Variants in GULP1 observed in about 807,000 individuals in gnomAD.
The protein encoded by GULP1 is GULP PTB domain containing engulfment adaptor 1.
In GULP1, 19 loss-of-function variants were observed where a neutral mutation model predicts 40.9. That is an observed-to-expected ratio of 0.46 (90% CI 0.32 to 0.68). The LOEUF is 0.68. Ranked by LOEUF, GULP1 falls within the 30% of genes least tolerant of loss-of-function variation. The probability of loss-of-function intolerance (pLI) is 0.03; values close to 1 mark genes in which losing one functional copy is unlikely to be tolerated. For missense variants in GULP1, 312 were observed against 362.2 expected (o/e 0.86, Z 1.12); for synonymous variants, 119 against 117.6 (o/e 1.01, Z -0.08).
chr2:188,302,417 T>C (rs1000512357), intron 1 of GULP1, among the ~76,000 whole-genome samples: 1 of 152,172 alleles, frequency 6.6e-6, no homozygotes, highest in African/African-American at 2.4e-5. Flanking sequence ...CTTTAGTGTA[T>C]TGAAAACATT....
intron 1 of GULP1, among the ~76,000 whole-genome samples, chr2:188,332,682 AG>A (rs1463067526): frequency 6.6e-6 from 1 of 152,028 alleles, no homozygotes; most frequent in Admixed American, 6.6e-5. Context: ...GAATCTTGAA[AG>A]TGAGGATCAG....
intron 2 of GULP1, among the ~76,000 whole-genome samples, chr2:188,438,942 T>C (rs1440502129): frequency 6.6e-6 from 1 of 152,090 alleles, no homozygotes; most frequent in Non-Finnish European, 1.5e-5. Context: ...TGTATAAATA[T>C]CTAGTTGCAT....
chr2:188,450,111 A>G (rs886725374), intron 2 of GULP1, among the ~76,000 whole-genome samples: 25 of 152,280 alleles, frequency 1.6e-4, no homozygotes, highest in African/African-American at 5.8e-4. Flanking sequence ...ATTGCCAAAA[A>G]TGTTTGTTAT....
At chr2:188,409,878 C>T (rs1325347473) in intron 2 of GULP1, among the ~76,000 whole-genome samples, 1 of 152,022 alleles carries the variant, frequency 6.6e-6, no homozygotes, top group Admixed American at 6.6e-5. Flanking sequence ...CAGCAAAAGA[C>T]CTTGAATAGC....
At chr2:188,433,933 C>CT (rs35704445) in intron 2 of GULP1, among the ~76,000 whole-genome samples, 67,895 of 149,090 alleles carry the variant, frequency 0.46, 15,896 homozygotes, top group East Asian at 0.68. Context: ...TACCTTATAC[C>CT]TTTTTTTTTT....
chr2:188,590,476 A>G (rs1037661900), intron 11 of GULP1: 1 of 152,226 alleles, frequency 6.6e-6, no homozygotes, highest in Non-Finnish European at 1.5e-5. Context: ...TATTGAGTTA[A>G]TAAGCCTAGT....
chr2:188,469,233 G>T (rs1461291598), intron 2 of GULP1, among the ~76,000 whole-genome samples: 5 of 152,170 alleles, frequency 3.3e-5, no homozygotes, highest in Admixed American at 3.3e-4. Context: ...CATTTTGGAG[G>T]TCTAGGCCTG....
At chr2:188,478,275 A>G (rs945164030) in intron 3 of GULP1, among the ~76,000 whole-genome samples, 1 of 152,140 alleles carries the variant, frequency 6.6e-6, no homozygotes, top group South Asian at 2.1e-4. Flanking sequence ...TAGGACTGAA[A>G]GAAACAGCTA....
At position 188,594,050 on chromosome 2, in the gene GULP1, T is replaced by C; in HGVS notation, c.*39T>C. Reference sequence around the variant, plus strand: ...AAATCCTGATTCATGTTAAATGTGTTTGTATACACATGTCATTTATTATTA... The same window carrying C: ...AAATCCTGATTCATGTTAAATGTGTCTGTATACACATGTCATTTATTATTA... On this transcript the variant is annotated 3_prime_UTR_variant, in exon 12 of 12. Coordinates refer to ENST00000409830, the MANE Select transcript of GULP1 (RefSeq NM_016315.4). The C allele has an allele frequency of 1.0e-6, 1 of 1,004,384 alleles. No individual in the cohort carries two copies. Among genetic ancestry groups the C allele is most frequent in the Admixed American group, 1.7e-5 (1 of 58,022 alleles). The allele number at this position is 1,004,384 out of a possible 1,614,324, so 62.2% of individuals were successfully genotyped here.
intron 7 of GULP1, chr2:188,541,758 T>C (rs1235191781): frequency 3.0e-5 from 6 of 203,008 alleles, no homozygotes; most frequent in African/African-American, 4.7e-5. Context: ...ATATGATCTA[T>C]ATGGTTCCTT....
At chr2:188,428,161 G>C (rs773564512) in intron 2 of GULP1, among the ~76,000 whole-genome samples, 13 of 152,162 alleles carry the variant, frequency 8.5e-5, no homozygotes, top group Non-Finnish European at 1.8e-4. Context: ...TTTCGGAATG[G>C]GGGTATTTAC....
At chr2:188,373,553 AT>A (rs777354811) in intron 1 of GULP1, among the ~76,000 whole-genome samples, 3 of 151,450 alleles carry the variant, frequency 2.0e-5, no homozygotes, top group East Asian at 3.9e-4. Context: ...TAGTTTTTTT[AT>A]TTTTTTTGAC....
At chr2:188,344,022 T>C (rs1448126717) in intron 1 of GULP1, among the ~76,000 whole-genome samples, 1 of 152,158 alleles carries the variant, frequency 6.6e-6, no homozygotes, top group Non-Finnish European at 1.5e-5. Context: ...TTGGCCAGGC[T>C]GGCCTCGAAC....
At chr2:188,435,304 G>C (rs2057302875) in intron 2 of GULP1, among the ~76,000 whole-genome samples, 1 of 152,002 alleles carries the variant, frequency 6.6e-6, no homozygotes. Context: ...CAGTGAGTTG[G>C]CTTAGAAAAT....
At chr2:188,397,962 A>G (rs1268013196) in intron 2 of GULP1, among the ~76,000 whole-genome samples, 1 of 152,208 alleles carries the variant, frequency 6.6e-6, no homozygotes, top group African/African-American at 2.4e-5. Flanking sequence ...TCAAATCTTA[A>G]CCTCCAATAC....
At chr2:188,361,448 C>G (rs2046073125) in intron 1 of GULP1, among the ~76,000 whole-genome samples, 2 of 151,778 alleles carry the variant, frequency 1.3e-5, no homozygotes, top group Non-Finnish European at 2.9e-5. Context: ...AAACAAGGGC[C>G]AGCTTATGTA....
chr2:188,491,322 A>G (rs749944589), intron 4 of GULP1: 1 of 152,078 alleles, frequency 6.6e-6, no homozygotes, highest in Non-Finnish European at 1.5e-5. Context: ...CATTTCAGTA[A>G]TGGTGTTTTG....
chr2:188,345,819 ATTCCCTCTTCCT>A (rs1289695078), intron 1 of GULP1, among the ~76,000 whole-genome samples: 1 of 152,214 alleles, frequency 6.6e-6, no homozygotes, highest in Non-Finnish European at 1.5e-5. Context: ...TTTTGGTCTT[ATTCCCTCTTCCT>A]TAAAGTGTTC....
At chr2:188,356,152 A>G (rs964780602) in intron 1 of GULP1, among the ~76,000 whole-genome samples, 1 of 152,126 alleles carries the variant, frequency 6.6e-6, no homozygotes, top group Non-Finnish European at 1.5e-5. Flanking sequence ...CGTTTTCATC[A>G]CTTTTATTCA....
Sources: allele counts gnomAD v4.1 joint callset (sites outside exome capture counted in the v4.1 genomes callset), GRCh38; gene constraint gnomAD v4.1.1; transcripts MANE v1.5; gene names NCBI Gene and HGNC (gene_info 2026-07-23, HGNC 2026-07-21).